The following CAMTA1 variants were observed in gnomAD, a reference collection of about 807,000 sequenced individuals.
CAMTA1 encodes the protein calmodulin-binding transcription activator 1.
A neutral mutation model predicts 170.9 loss-of-function variants in CAMTA1; 27 were observed. That is an observed-to-expected ratio of 0.16 (90% confidence interval 0.12 to 0.22). The LOEUF is 0.22. CAMTA1 is among the 10% of genes least tolerant of loss of function. The pLI, the probability that CAMTA1 is intolerant of heterozygous loss-of-function variation, is 1.00. For missense variants in CAMTA1, 1,619 were observed against 2,217.2 expected (o/e 0.73, Z 5.42); for synonymous variants, 833 against 891.5 (o/e 0.93, Z 1.17).
At chr1:7,661,330 GAA>G (rs2095955252) in intron 7 of CAMTA1, among the ~76,000 whole-genome samples, 4 of 152,312 alleles carry the variant, frequency 2.6e-5, no homozygotes, top group Non-Finnish European at 5.9e-5. Context: ...GTCTCCACAA[GAA>G]GCTCACAGGC....
At chr1:6,955,700 T>C (rs975070469) in intron 3 of CAMTA1, among the ~76,000 whole-genome samples, 19 of 152,146 alleles carry the variant, frequency 1.2e-4, no homozygotes, top group African/African-American at 4.3e-4. Context: ...CCTGGTAAGA[T>C]GTTCACGGGG....
intron 5 of CAMTA1, among the ~76,000 whole-genome samples, chr1:7,320,374 A>G (rs1053566693): frequency 6.6e-6 from 1 of 152,236 alleles, no homozygotes; most frequent in East Asian, 1.9e-4. Flanking sequence ...ATTGAAATAG[A>G]AGAGATCACA....
At chr1:7,183,747 A>T (rs1652698146) in intron 4 of CAMTA1, among the ~76,000 whole-genome samples, 1 of 152,114 alleles carries the variant, frequency 6.6e-6, no homozygotes, top group African/African-American at 2.4e-5. Flanking sequence ...GGGTGGGAGT[A>T]GGGACTGAAG....
chr1:7,557,878 A>G (rs2094900842), intron 6 of CAMTA1, among the ~76,000 whole-genome samples: 1 of 152,198 alleles, frequency 6.6e-6, no homozygotes, highest in Non-Finnish European at 1.5e-5. Context: ...GTGGAGGAAG[A>G]AAAGTGAGGG....
intron 4 of CAMTA1, among the ~76,000 whole-genome samples, chr1:7,207,668 C>T (rs1454558524): frequency 1.3e-5 from 2 of 152,084 alleles, no homozygotes; most frequent in African/African-American, 2.4e-5. Flanking sequence ...GTGGCCTTGA[C>T]TCAGGTGTCC....
intron 4 of CAMTA1, among the ~76,000 whole-genome samples, chr1:7,241,731 G>A (rs1321029530): frequency 6.6e-6 from 1 of 152,136 alleles, no homozygotes; most frequent in Non-Finnish European, 1.5e-5. Context: ...AAAAAATGGT[G>A]CTGGGACAAT....
At chr1:7,137,001 A>G (rs183921319) in intron 4 of CAMTA1, among the ~76,000 whole-genome samples, 18 of 152,294 alleles carry the variant, frequency 1.2e-4, no homozygotes, top group South Asian at 6.2e-4. Flanking sequence ...AGATGCATCT[A>G]TCCACCTGAG....
intron 3 of CAMTA1, among the ~76,000 whole-genome samples, chr1:7,027,498 A>G (rs577888499): frequency 2.6e-5 from 4 of 152,310 alleles, no homozygotes; most frequent in African/African-American, 9.6e-5. Flanking sequence ...TTAAATCTCA[A>G]TCTTCACTTG....
chr1:7,406,567 CAT>C (rs1236404384), intron 5 of CAMTA1, among the ~76,000 whole-genome samples: 1 of 152,166 alleles, frequency 6.6e-6, no homozygotes, highest in Non-Finnish European at 1.5e-5. Flanking sequence ...TGTACACACA[CAT>C]GCACAGGCAC....
intron 6 of CAMTA1, among the ~76,000 whole-genome samples, chr1:7,594,928 G>A (rs78353455): frequency 3.0e-4 from 45 of 152,306 alleles, no homozygotes; most frequent in African/African-American, 1.1e-3. Context: ...CTATGGGTTC[G>A]GAATTGGTGA....
intron 3 of CAMTA1, among the ~76,000 whole-genome samples, chr1:6,882,325 C>T (rs895562433): frequency 1.3e-5 from 2 of 152,086 alleles, no homozygotes; most frequent in African/African-American, 4.8e-5. Flanking sequence ...TACTGTTTGG[C>T]CCTTTACAGA....
At chr1:6,867,838 C>A (rs1667125108) in intron 3 of CAMTA1, among the ~76,000 whole-genome samples, 1 of 151,610 alleles carries the variant, frequency 6.6e-6, no homozygotes, top group South Asian at 2.1e-4. Flanking sequence ...CTGGGTCTTG[C>A]TCTGTCACCC....
Position 7,464,023 on chromosome 1 carries a change from T to C in CAMTA1, c.439-3807T>C, listed in dbSNP as rs144588538. ...GCCCTATAGTGTCATAAAAGCAATT[T>C]TGAATATTTACCAAAAAATTTTTCC... is the stretch of plus-strand genomic sequence containing the variant. On this transcript the variant is annotated intron_variant, in intron 5 of 22. Transcript: ENST00000303635. Among the ~76,000 whole-genome samples, 554 of 152,318 alleles carry C rather than the reference T, an allele frequency of 3.6e-3. 2 individuals carry two copies. Among genetic ancestry groups the C allele is most frequent in the African/African-American group, 0.013 (530 of 41,574 alleles).
At chr1:7,607,112 G>A (rs1267878722) in intron 6 of CAMTA1, among the ~76,000 whole-genome samples, 1 of 151,068 alleles carries the variant, frequency 6.6e-6, no homozygotes, top group East Asian at 1.9e-4. Flanking sequence ...TAGGTGGGTA[G>A]ATGGAAGGAT....
intron 6 of CAMTA1, among the ~76,000 whole-genome samples, chr1:7,637,880 C>T (rs895742761): frequency 1.6e-4 from 25 of 152,172 alleles, no homozygotes; most frequent in African/African-American, 4.6e-4. Context: ...TAAAGTGCTG[C>T]GCTTATGTCA....
chr1:7,109,312 A>G (rs1052124615), intron 4 of CAMTA1, among the ~76,000 whole-genome samples: 1 of 152,194 alleles, frequency 6.6e-6, no homozygotes, highest in Non-Finnish European at 1.5e-5. Context: ...ACTATGCATT[A>G]CACGAAAGCA....
chr1:7,186,997 C>T (rs1488393339), intron 4 of CAMTA1, among the ~76,000 whole-genome samples: 1 of 151,962 alleles, frequency 6.6e-6, no homozygotes, highest in Non-Finnish European at 1.5e-5. Context: ...AATTCAGAGT[C>T]TCCCTGGGAA....
chr1:7,516,083 A>C (rs1575747550), intron 6 of CAMTA1, among the ~76,000 whole-genome samples: 1 of 151,062 alleles, frequency 6.6e-6, no homozygotes, highest in South Asian at 2.1e-4. Flanking sequence ...AACCTACCCC[A>C]CTCCCGCCTC....
At chr1:7,315,083 G>C (rs965655139) in intron 5 of CAMTA1, among the ~76,000 whole-genome samples, 2 of 152,222 alleles carry the variant, frequency 1.3e-5, no homozygotes, top group Non-Finnish European at 2.9e-5. Context: ...AAGACAAAGA[G>C]TGAATGAGAA....
Sources: gnomAD v4.1 joint callset for allele counts (sites outside exome capture counted in the v4.1 genomes callset) on GRCh38, gnomAD v4.1.1 for gene constraint, MANE v1.5 for transcripts, NCBI Gene and HGNC (gene_info 2026-07-23, HGNC 2026-07-21) for gene names.